Variants in ADAMTSL1 observed in about 807,000 individuals in gnomAD.
ADAMTSL1 encodes the protein ADAMTS-like protein 1.
In ADAMTSL1, 126 loss-of-function variants were observed where a neutral mutation model predicts 201.8. The ratio of observed to expected loss-of-function variants is 0.62; its 90% CI spans 0.54 to 0.72. The LOEUF (loss-of-function observed/expected upper bound fraction) is 0.72, where lower values mean the gene tolerates loss of function less well. Ranked by LOEUF, ADAMTSL1 falls within the 30% of genes least tolerant of loss-of-function variation. ADAMTSL1 has a pLI of 0.00. For synonymous variants in ADAMTSL1, 1,121 were observed against 903.4 expected, an observed-to-expected ratio of 1.24 and a Z score of -4.32; for missense variants, 2,679 against 2,277.8, an observed-to-expected ratio of 1.18 and a Z score of -3.59.
chr9:18,858,920 C>G (rs12346023), intron 23 of ADAMTSL1, among the ~76,000 whole-genome samples: 50,193 of 152,112 alleles, frequency 0.33, 9,766 homozygotes, highest in Non-Finnish European at 0.43. Context: ...GAACTTTATT[C>G]AGTTTCTTAA....
chr9:18,712,776 T>C (rs1832693444), intron 14 of ADAMTSL1, among the ~76,000 whole-genome samples: 2 of 152,012 alleles, frequency 1.3e-5, no homozygotes, highest in African/African-American at 4.8e-5. Flanking sequence ...TCGAGAAGAA[T>C]AACTCCAAGA....
intron 2 of ADAMTSL1, among the ~76,000 whole-genome samples, chr9:18,461,504 A>C (rs1460686040): frequency 6.6e-6 from 1 of 152,160 alleles, no homozygotes; most frequent in Non-Finnish European, 1.5e-5. Flanking sequence ...GTTGATAGAC[A>C]TGTTCAATAT....
intron 1 of ADAMTSL1, among the ~76,000 whole-genome samples, chr9:18,021,058 T>C (rs1465336909): frequency 6.6e-6 from 1 of 152,090 alleles, no homozygotes; most frequent in Non-Finnish European, 1.5e-5. Context: ...ATGGAAATAC[T>C]TGGACCTCAC....
intron 2 of ADAMTSL1, among the ~76,000 whole-genome samples, chr9:18,342,263 A>G (rs1426031493): frequency 3.9e-5 from 6 of 152,074 alleles, no homozygotes; most frequent in Admixed American, 3.9e-4. Flanking sequence ...CTTTTCCTGG[A>G]TCTTCCTTTG....
intron 3 of ADAMTSL1, among the ~76,000 whole-genome samples, chr9:18,555,782 A>G (rs1821073741): frequency 6.6e-6 from 1 of 151,966 alleles, no homozygotes; most frequent in African/African-American, 2.4e-5. Flanking sequence ...GGAGTGAAAC[A>G]TTGAGAGAAT....
intron 1 of ADAMTSL1, among the ~76,000 whole-genome samples, chr9:17,959,852 A>G (rs1276789702): frequency 1.3e-5 from 2 of 152,138 alleles, no homozygotes; most frequent in East Asian, 1.9e-4. Context: ...TTTTCCAAGT[A>G]TGATCTGATT....
intron 2 of ADAMTSL1, among the ~76,000 whole-genome samples, chr9:18,228,329 G>T (rs151260668): frequency 1.2e-4 from 18 of 152,294 alleles, no homozygotes; most frequent in African/African-American, 4.3e-4. Context: ...TTGAGGAGGA[G>T]GAAAGGTGGG....
At chr9:18,030,919 GC>G (rs1211185194) in intron 1 of ADAMTSL1, among the ~76,000 whole-genome samples, 1 of 151,984 alleles carries the variant, frequency 6.6e-6, no homozygotes, top group African/African-American at 2.4e-5. Context: ...TGGTTTTTGA[GC>G]TTTGAATTTT....
intron 1 of ADAMTSL1, among the ~76,000 whole-genome samples, chr9:18,127,219 A>G (rs1825766099): frequency 6.6e-6 from 1 of 152,178 alleles, no homozygotes; most frequent in Admixed American, 6.5e-5. Flanking sequence ...TGCTTCAAGT[A>G]GGAAGAAAAC....
rs779621551 is a variant in ADAMTSL1 at position 18,639,333 on chromosome 9, T to C, written c.756T>C (p.Ser252=). The C allele has an allele frequency of 6.1e-5, 98 of 1,613,052 alleles. No individual in the cohort carries two copies. The South Asian group carries it at 6.9e-4, about 11-fold the overall frequency. Residue 252 remains serine, a synonymous_variant, in exon 7 of 29, where the codon TCT becomes TCC. Coordinates refer to ENST00000380548, the MANE Select transcript of ADAMTSL1 (RefSeq NM_001040272.6). ...SSTGTFLVDN[S]SVDFQKFPDK... The stretch of plus-strand genomic sequence containing the variant: ...CAGGAACTTTCCTTGTGGACAATTC[T>C]AGTGTGGACTTCCAGAAATTTCCAG...
intron 1 of ADAMTSL1, among the ~76,000 whole-genome samples, chr9:17,984,068 A>G (rs1453514813): frequency 6.6e-6 from 1 of 152,148 alleles, no homozygotes; most frequent in East Asian, 1.9e-4. Context: ...ATTGAAAATT[A>G]TTTTCCAAGT....
chr9:18,630,148 G>T (rs186059739), intron 5 of ADAMTSL1, among the ~76,000 whole-genome samples: 153 of 152,172 alleles, frequency 1.0e-3, no homozygotes, highest in South Asian at 2.7e-3. Flanking sequence ...AACCTTTGGG[G>T]TCTTAAAATG....
At position 18,210,615 on chromosome 9, in the gene ADAMTSL1, T is replaced by C. The variant is rs928715781; in HGVS notation, c.207+46634T>C. 4.6e-5 allele frequency among the ~76,000 whole-genome samples: 7 copies of C among 151,222 alleles called. No individual in the cohort carries two copies. The East Asian group carries it at 1.3e-3, about 29-fold the overall frequency. On this transcript the variant is annotated intron_variant, in intron 2 of 29. Transcript: ENST00000680146. The stretch of plus-strand genomic sequence containing the variant: ...TATTCCTATGACAATAATCATTGCA[T>C]ATTCACCAAGATTCACTTGCATTTC...
chr9:18,291,898 T>C (rs1178094335), intron 2 of ADAMTSL1, among the ~76,000 whole-genome samples: 1 of 152,102 alleles, frequency 6.6e-6, no homozygotes, highest in Non-Finnish European at 1.5e-5. Flanking sequence ...CACAGGGATA[T>C]GCCTTTACGC....
chr9:18,235,336 G>A (rs947296365), intron 2 of ADAMTSL1, among the ~76,000 whole-genome samples: 10 of 152,160 alleles, frequency 6.6e-5, no homozygotes, highest in African/African-American at 2.2e-4. Flanking sequence ...GAAGCGAAGT[G>A]CCCTTCTAAT....
intron 1 of ADAMTSL1, among the ~76,000 whole-genome samples, chr9:18,153,495 G>A (rs968497506): frequency 2.6e-5 from 4 of 152,030 alleles, no homozygotes; most frequent in African/African-American, 9.7e-5. Context: ...TCAAAATAGA[G>A]TGGTGAGCAT....
In ADAMTSL1 at chr9:18,219,859, T is replaced by G. The variant is rs567365300; in HGVS notation, c.207+55878T>G. On this transcript the variant is annotated intron_variant, in intron 2 of 29. Coordinates refer to the ADAMTSL1 transcript ENST00000680146. Reference sequence around the variant, plus strand: ...CTGATATCAAGTGTACTGATCTTGCTGATCTTGTATCTAGAAATCTTGCTA... The same window carrying G: ...CTGATATCAAGTGTACTGATCTTGCGGATCTTGTATCTAGAAATCTTGCTA... Among the ~76,000 whole-genome samples the G allele has an allele frequency of 2.0e-5, 3 of 152,340 alleles. No homozygotes were observed. In the South Asian group the frequency reaches 6.2e-4, roughly 32 times the overall value.
chr9:18,068,579 A>G (rs1005998054), intron 1 of ADAMTSL1, among the ~76,000 whole-genome samples: 5 of 152,242 alleles, frequency 3.3e-5, no homozygotes, highest in African/African-American at 1.2e-4. Context: ...CCCCACAAGG[A>G]AAGGCTTCAA....
chr9:17,961,563 A>G (rs1252193188), intron 1 of ADAMTSL1, among the ~76,000 whole-genome samples: 1 of 152,052 alleles, frequency 6.6e-6, no homozygotes, highest in Non-Finnish European at 1.5e-5. Context: ...TTTTTAAGAG[A>G]GATGATGAAA....
Sources: allele counts gnomAD v4.1 joint callset (sites outside exome capture counted in the v4.1 genomes callset), GRCh38; gene constraint gnomAD v4.1.1; transcripts MANE v1.5; gene names NCBI Gene and HGNC (gene_info 2026-07-23, HGNC 2026-07-21).